The following PSMD13 variants were observed in gnomAD, a reference collection of about 807,000 sequenced individuals.
PSMD13 encodes proteasome 26S subunit, non-ATPase 13.
PSMD13 carries 8 observed loss-of-function variants against 57.4 expected under a neutral mutation model. The observed-to-expected ratio is 0.14, with a 90% CI of 0.08 to 0.25. The LOEUF (loss-of-function observed/expected upper bound fraction) is 0.25. Among genes scored for constraint, PSMD13 ranks in the 10% least tolerant of loss-of-function variants. PSMD13 has a pLI of 1.00. For synonymous variants in PSMD13, 193 were observed against 168.2 expected, an observed-to-expected ratio of 1.15 and a Z score of -1.14; for missense variants, 400 against 461.5, an observed-to-expected ratio of 0.87 and a Z score of 1.22.
At chr11:240,101 C>CCTT (rs1859481826) in intron 2 of PSMD13, among the ~76,000 whole-genome samples, 1 of 51,412 alleles carries the variant, frequency 1.9e-5, no homozygotes, top group Non-Finnish European at 3.4e-5. Context: ...ATGAGACCTG[C>CCTT]TTTTTTTTTT....
chr11:238,405 C>T (rs1309532430), intron 1 of PSMD13, among the ~76,000 whole-genome samples: 1 of 152,230 alleles, frequency 6.6e-6, no homozygotes, highest in Non-Finnish European at 1.5e-5. Flanking sequence ...CATAGCCATT[C>T]AATAGCAGAG....
intron 7 of PSMD13, 77 bp from the exon 8 acceptor site, chr11:248,699 G>C (rs1322613495): frequency 7.2e-7 from 1 of 1,380,732 alleles, no homozygotes; most frequent in East Asian, 2.3e-5. Flanking sequence ...TTTACTTTTT[G>C]TTATATGAGA....
At chr11:241,237 C>G (rs1277815523) in intron 2 of PSMD13, among the ~76,000 whole-genome samples, 2 of 152,170 alleles carry the variant, frequency 1.3e-5, no homozygotes, top group Non-Finnish European at 2.9e-5. Flanking sequence ...CTCCCCAGTT[C>G]AAGCCATTCT....
At chr11:245,017 C>T (rs1249660039) in intron 6 of PSMD13, among the ~76,000 whole-genome samples, 1 of 151,496 alleles carries the variant, frequency 6.6e-6, no homozygotes. Context: ...CTCGGCCCAC[C>T]GCAACCTCCG....
chr11:246,957 A>G (rs1859660319), intron 6 of PSMD13, among the ~76,000 whole-genome samples: 1 of 152,140 alleles, frequency 6.6e-6, no homozygotes, highest in African/African-American at 2.4e-5. Context: ...AATGTTGTAA[A>G]TATTGTTTCC....
At chr11:249,379 T>C (rs1172142423) in intron 9 of PSMD13, among the ~76,000 whole-genome samples, 1 of 151,474 alleles carries the variant, frequency 6.6e-6, no homozygotes, top group Admixed American at 6.6e-5. Flanking sequence ...TAGGAATGAG[T>C]GAAGAGGTAC....
rs1342838858 is a variant in PSMD13 at position 250,996 on chromosome 11, T to C, written c.837+131T>C. On this transcript the variant is annotated intron_variant, in intron 10 of 12. Coordinates refer to ENST00000532097, the MANE Select transcript of PSMD13 (RefSeq NM_002817.4). ...GCTGCTTCTGCTGTGCGCCGCTCTCTTCACCACCTTCCTTTTCCTTTGCTA... is the reference window on the plus strand; with the variant it reads ...GCTGCTTCTGCTGTGCGCCGCTCTCCTCACCACCTTCCTTTTCCTTTGCTA... 6.4e-6 allele frequency: 5 copies of C among 777,752 alleles called. No individual in the cohort carries two copies. The African/African-American group carries it at 8.6e-5, about 13-fold the overall frequency. The allele number at this position is 777,752 out of a possible 1,614,324, so 48.2% of individuals were successfully genotyped here.
chr11:244,055 T>C lies in PSMD13; in HGVS notation c.189T>C (p.Phe63=). The change falls in exon 3 of 13, where the codon TTT becomes TTC. Residue 63 remains phenylalanine (F), a synonymous_variant. Coordinates refer to ENST00000532097, the MANE Select transcript of PSMD13 (RefSeq NM_002817.4). Reference sequence around the variant, plus strand: ...TGGTTTCACAGCTTTATGAAAACTTTATCAGTGAATTTGAACACAGGTAAA... The same window carrying C: ...TGGTTTCACAGCTTTATGAAAACTTCATCAGTGAATTTGAACACAGGTAAA... ...GDGLIKLYEN[F]ISEFEHRVNP... The C allele has an allele frequency of 2.5e-6, 4 of 1,608,786 alleles. No homozygotes were observed. Among genetic ancestry groups the C allele is most frequent in the Non-Finnish European group, 3.4e-6 (4 of 1,177,126 alleles).
chr11:238,636 A>G (rs1859444416), intron 1 of PSMD13, among the ~76,000 whole-genome samples: 2 of 152,240 alleles, frequency 1.3e-5, no homozygotes, highest in African/African-American at 4.8e-5. Context: ...GCGCCACTGC[A>G]CTACAGCCTG....
chr11:251,682 A>G lies in PSMD13; in HGVS notation c.918+56A>G. 18 of 1,568,430 alleles carry G rather than the reference A, an allele frequency of 1.1e-5. No homozygotes were observed. Among genetic ancestry groups the G allele is most frequent in the Non-Finnish European group, 1.6e-5 (18 of 1,140,846 alleles). ...AGCAAAGCTGCCACATGGAGGAGTC[A>G]AGGCTCTTGTGTGAGCGCTGTGCTC... On this transcript the variant is annotated intron_variant, in intron 11 of 12. Coordinates refer to ENST00000532097, the MANE Select transcript of PSMD13 (RefSeq NM_002817.4). The surrounding 1 kb of genome is among the most constrained non-coding windows in gnomAD (Gnocchi z 4.6).
At position 244,780 on chromosome 11, in the gene PSMD13, A is replaced by G; in HGVS notation, c.396+19A>G. The G allele has an allele frequency of 6.6e-7, 1 of 1,518,590 alleles. No individual in the cohort carries two copies. The highest frequency in any genetic ancestry group is 9.0e-7 in the Non-Finnish European group (1 of 1,115,876). 94.1% of individuals were successfully genotyped at this position (1,518,590 alleles called of 1,614,324 possible). A position where few individuals can be genotyped will look rare whatever the true frequency, so the allele number is the denominator to read the frequency against. ...TACAAAGGTGAGATCACCATAATAC[A>G]GATTTATCTTTGGTTTAAAATTATT... On this transcript the variant is annotated intron_variant, in intron 6 of 12. Transcript: ENST00000532097.
chr11:244,225 C>T lies in PSMD13; in HGVS notation c.265+9C>T, dbSNP rs761298427. 2.5e-6 allele frequency: 4 copies of T among 1,609,266 alleles called. No individual in the cohort carries two copies. The highest frequency in any genetic ancestry group is 3.4e-6 in the Non-Finnish European group (4 of 1,178,354). ...AGTTAGACAGATGACTGGTAAGTCT[C>T]ACTTTGTTTTATAAAGGAGCAGATC... On this transcript the variant is annotated intron_variant, in intron 4 of 12. Transcript: ENST00000532097.
Position 252,364 on chromosome 11 carries a change from C to G in PSMD13, c.1036-141C>G, listed in dbSNP as rs574503730. ...CCCGGCAAGTCCCGTCCCACTCCCCCAGCTCAGAGGTCCTTTTTACTAGAG... is the reference window on the plus strand; with the variant it reads ...CCCGGCAAGTCCCGTCCCACTCCCCGAGCTCAGAGGTCCTTTTTACTAGAG... On this transcript the variant is annotated intron_variant, in intron 12 of 12. Transcript: ENST00000532097. The surrounding 1 kb of genome is among the most constrained non-coding windows in gnomAD (Gnocchi z 4.1). 2.2e-5 allele frequency: 16 copies of G among 729,392 alleles called. No individual in the cohort carries two copies. In the South Asian group the frequency reaches 2.4e-4, roughly 11 times the overall value. 45.2% of individuals were successfully genotyped at this position (729,392 alleles called of 1,614,324 possible).
At position 247,345 on chromosome 11, in the gene PSMD13, C is replaced by T. The variant is rs768390029; in HGVS notation, c.465C>T (p.Phe155=). The change falls in exon 7 of 13, where the codon TTC becomes TTT. Residue 155 remains phenylalanine, a synonymous_variant. Transcript: ENST00000532097. ...LPGVTSVHSR[F]YDLSSKYYQT... ...GTGTGACATCGGTTCACAGTCGTTT[C>T]TATGATCTCTCCAGTAAATACTATC... is the stretch of plus-strand genomic sequence containing the variant. The T allele has an allele frequency of 1.3e-6, 2 of 1,539,238 alleles. No individual in the cohort carries two copies. Among genetic ancestry groups the T allele is most frequent in the Non-Finnish European group, 1.8e-6 (2 of 1,130,598 alleles).
chr11:237,201 A>AGGCG, intron 1 of PSMD13, 57 bp downstream of exon 1: 1 of 1,518,880 alleles, frequency 6.6e-7, no homozygotes, highest in East Asian at 2.3e-5. Flanking sequence ...CGGAGGGGGC[A>AGGCG]GGCGGGCGGA....
At chr11:245,523 C>T (rs10902113) in intron 6 of PSMD13, among the ~76,000 whole-genome samples, 120,558 of 152,114 alleles carry the variant, frequency 0.79, 48,071 homozygotes, top group African/African-American at 0.88. Flanking sequence ...GTTGAAGTAT[C>T]CTGTCTATTT....
At chr11:242,749 C>T (rs1268965822) in intron 2 of PSMD13, among the ~76,000 whole-genome samples, 1 of 152,220 alleles carries the variant, frequency 6.6e-6, no homozygotes, top group African/African-American at 2.4e-5. Flanking sequence ...AGGTCTCTTA[C>T]AGTAGTACCG....
intron 4 of PSMD13, 67 bp from the exon 5 acceptor site, chr11:244,359 C>A (rs1244099521): frequency 6.3e-7 from 1 of 1,582,160 alleles, no homozygotes; most frequent in Non-Finnish European, 8.7e-7. Context: ...ATTACCCTAC[C>A]TAAGGGTGTC....
In PSMD13 at chr11:252,187, G is replaced by C; in HGVS notation, c.1035+251G>C. ...TGCTGACGGTGCCTTTTAATCTTAA[G>C]ATAGGAGCTCTGATCAGATACGTTC... On this transcript the variant is annotated intron_variant, in intron 12 of 12. Transcript: ENST00000532097. This position sits in a 1 kb window ranked among gnomAD's most constrained non-coding sequence, Gnocchi z 4.1. The C allele has an allele frequency of 1.9e-6, 1 of 514,916 alleles. No individual in the cohort carries two copies. The highest frequency in any genetic ancestry group is 1.9e-5 in the African/African-American group (1 of 52,604). 31.9% of individuals were successfully genotyped at this position (514,916 alleles called of 1,614,324 possible).
Sources: allele counts gnomAD v4.1 joint callset (sites outside exome capture counted in the v4.1 genomes callset), GRCh38; gene constraint gnomAD v4.1.1; non-coding constraint Gnocchi (gnomAD v3.1); transcripts MANE v1.5; gene names NCBI Gene and HGNC (gene_info 2026-07-23, HGNC 2026-07-21).